The following ATE1 variants were observed in gnomAD, a reference collection of about 807,000 sequenced individuals.
The protein encoded by ATE1 is arginyltransferase 1.
A neutral mutation model predicts 70.5 loss-of-function variants in ATE1; 36 were observed. That is an observed-to-expected ratio of 0.51 (90% CI 0.39 to 0.67). The LOEUF (loss-of-function observed/expected upper bound fraction) is 0.67, where lower values mean the gene tolerates loss of function less well. Ranked by LOEUF, ATE1 falls within the 30% of genes least tolerant of loss-of-function variation. The probability of loss-of-function intolerance (pLI) is 0.00; values close to 1 mark genes in which losing one functional copy is unlikely to be tolerated. For synonymous variants in ATE1, 232 were observed against 219.3 expected (o/e 1.06, Z -0.51); for missense variants, 593 against 629.5 (o/e 0.94, Z 0.62).
intron 10 of ATE1, among the ~76,000 whole-genome samples, chr10:121,817,538 C>CAG (rs1947606422): frequency 7.0e-6 from 1 of 143,242 alleles, no homozygotes; most frequent in African/African-American, 2.6e-5. Flanking sequence ...GACTCTGTCT[C>CAG]AAAAAAAAAA....
chr10:121,806,030 G>A (rs1374919449), intron 10 of ATE1, among the ~76,000 whole-genome samples: 6 of 152,168 alleles, frequency 3.9e-5, no homozygotes, highest in African/African-American at 7.2e-5. Flanking sequence ...TAGTATTCCC[G>A]CAAAAGTGAG....
intron 10 of ATE1, among the ~76,000 whole-genome samples, chr10:121,805,160 T>C (rs765359413): frequency 2.6e-5 from 4 of 152,184 alleles, no homozygotes; most frequent in Admixed American, 1.3e-4. Context: ...CCTTCCAAAG[T>C]ACTTTTAGCA....
At chr10:121,878,983 C>A (rs942985313) in intron 7 of ATE1, among the ~76,000 whole-genome samples, 3 of 152,150 alleles carry the variant, frequency 2.0e-5, no homozygotes, top group Non-Finnish European at 4.4e-5. Flanking sequence ...AGAAGAGTCT[C>A]AGCTTAACTA....
intron 5 of ATE1, among the ~76,000 whole-genome samples, chr10:121,910,656 T>A (rs1951384664): frequency 6.6e-6 from 1 of 151,968 alleles, no homozygotes; most frequent in Non-Finnish European, 1.5e-5. Flanking sequence ...AAGTAGTAAG[T>A]AGAAATGGAA....
chr10:121,856,255 C>T (rs555454891), intron 8 of ATE1, among the ~76,000 whole-genome samples: 165 of 151,446 alleles, frequency 1.1e-3, no homozygotes, highest in African/African-American at 3.5e-3. Flanking sequence ...CCTGGCCGGG[C>T]GCAGTGGCTT....
At chr10:121,799,921 TAAC>T in intron 10 of ATE1, among the ~76,000 whole-genome samples, 1 of 152,328 alleles carries the variant, frequency 6.6e-6, no homozygotes, top group African/African-American at 2.4e-5. Flanking sequence ...AAATTCCCTA[TAAC>T]AATACTGAAA....
At chr10:121,916,319 C>T (rs1396016263) in intron 3 of ATE1, among the ~76,000 whole-genome samples, 4 of 152,250 alleles carry the variant, frequency 2.6e-5, no homozygotes, top group South Asian at 4.2e-4. Flanking sequence ...TATCACCGCA[C>T]TTCTCAACAG....
intron 11 of ATE1, among the ~76,000 whole-genome samples, chr10:121,772,291 CAT>C (rs1945551460): frequency 6.6e-6 from 1 of 152,208 alleles, no homozygotes. Context: ...ATTAGTACCA[CAT>C]GTTTATTACT....
chr10:121,754,973 T>G (rs755971144), intron 11 of ATE1, among the ~76,000 whole-genome samples: 18 of 152,032 alleles, frequency 1.2e-4, no homozygotes, highest in Non-Finnish European at 2.5e-4. Context: ...TGAACACAAA[T>G]GAAAAACTAC....
At chr10:121,894,483 T>C (rs1219989495) in intron 7 of ATE1, among the ~76,000 whole-genome samples, 5 of 152,156 alleles carry the variant, frequency 3.3e-5, no homozygotes, top group African/African-American at 7.2e-5. Flanking sequence ...CACCAGGAAA[T>C]GTTCCTAGGG....
At chr10:121,876,626 A>G (rs896844673) in intron 7 of ATE1, among the ~76,000 whole-genome samples, 11 of 152,350 alleles carry the variant, frequency 7.2e-5, no homozygotes, top group Non-Finnish European at 1.5e-4. Flanking sequence ...ACAGTATAAC[A>G]ATTCTATATC....
intron 6 of ATE1, among the ~76,000 whole-genome samples, chr10:121,900,873 A>T (rs944220493): frequency 6.6e-6 from 1 of 152,200 alleles, no homozygotes; most frequent in Non-Finnish European, 1.5e-5. Context: ...AAGATAAAAG[A>T]CACCTTGTAA....
At chr10:121,890,882 T>C (rs529064277) in intron 7 of ATE1, among the ~76,000 whole-genome samples, 2 of 152,312 alleles carry the variant, frequency 1.3e-5, no homozygotes, top group African/African-American at 4.8e-5. Flanking sequence ...ATCTGATATC[T>C]ACCTGAATGA....
chr10:121,831,743 T>C (rs937560961), intron 10 of ATE1, among the ~76,000 whole-genome samples: 5 of 152,198 alleles, frequency 3.3e-5, no homozygotes, highest in Non-Finnish European at 7.4e-5. Flanking sequence ...ATGGCAACAT[T>C]AGTTTTCATG....
rs563266281 is a variant in ATE1, at chr10:121,899,727, T to A, written c.942+139A>T. The A allele has an allele frequency of 6.2e-4, 787 of 1,263,368 alleles. 8 individuals are homozygous for A. The South Asian group carries it at 0.015, about 24-fold the overall frequency. 78.3% of individuals were successfully genotyped at this position (1,263,368 alleles called of 1,614,324 possible). A position where few individuals can be genotyped will look rare whatever the true frequency, so the allele number is the denominator to read the frequency against. ...TTGCACTTTCAGAATGTCCATTAAT[T>A]CAGTCTTAGGTCTTTGCAGATATGC... On this transcript the variant is annotated intron_variant, in intron 7 of 11. Coordinates refer to ENST00000224652, the MANE Select transcript of ATE1 (RefSeq NM_001001976.3).
intron 8 of ATE1, among the ~76,000 whole-genome samples, chr10:121,861,229 A>G (rs1222541811): frequency 6.6e-6 from 1 of 152,146 alleles, no homozygotes; most frequent in Non-Finnish European, 1.5e-5. Context: ...TAAGATGCCT[A>G]TACTAATCCA....
At chr10:121,910,715 T>C (rs1951387365) in intron 5 of ATE1, among the ~76,000 whole-genome samples, 191 bp downstream of exon 5, 1 of 152,236 alleles carries the variant, frequency 6.6e-6, no homozygotes, top group African/African-American at 2.4e-5. Context: ...TTACAGGCTT[T>C]TTAAGCATAG....
intron 7 of ATE1, among the ~76,000 whole-genome samples, chr10:121,880,269 C>T (rs1439267548): frequency 6.6e-6 from 1 of 151,948 alleles, no homozygotes; most frequent in Non-Finnish European, 1.5e-5. Context: ...TTGTCAGGTA[C>T]ATGTATTACT....
intron 11 of ATE1, among the ~76,000 whole-genome samples, chr10:121,773,066 C>T (rs1351125358): frequency 6.6e-6 from 1 of 152,212 alleles, no homozygotes; most frequent in East Asian, 1.9e-4. Flanking sequence ...TTATTGGACC[C>T]TCCCACTCCC....
Sources: gnomAD v4.1 joint callset for allele counts (sites outside exome capture counted in the v4.1 genomes callset) on GRCh38, gnomAD v4.1.1 for gene constraint, MANE v1.5 for transcripts, NCBI Gene and HGNC (gene_info 2026-07-23, HGNC 2026-07-21) for gene names.